Variants in GRM8 observed in about 807,000 individuals in gnomAD.
GRM8 encodes the protein glutamate metabotropic receptor 8.
In GRM8, 47 loss-of-function variants were observed where a neutral mutation model predicts 87.2. That is an observed-to-expected ratio of 0.54 (90% CI 0.43 to 0.69). GRM8 has a LOEUF of 0.69. Ranked by LOEUF, GRM8 falls within the 30% of genes least tolerant of loss-of-function variation. The pLI, the probability that GRM8 is intolerant of heterozygous loss-of-function variation, is 0.00. For synonymous variants in GRM8, 396 were observed against 404.5 expected, an observed-to-expected ratio of 0.98 and a Z score of 0.25; for missense variants, 1,019 against 1,139.2, an observed-to-expected ratio of 0.89 and a Z score of 1.52.
intron 8 of GRM8, among the ~76,000 whole-genome samples, chr7:126,565,382 T>C (rs200498217): frequency 1.3e-5 from 2 of 151,948 alleles, no homozygotes; most frequent in African/African-American, 4.8e-5. Context: ...AACATAAAAA[T>C]CAATTGTATT....
At chr7:127,031,587 GA>G (rs147982559) in intron 3 of GRM8, among the ~76,000 whole-genome samples, 35 of 152,048 alleles carry the variant, frequency 2.3e-4, no homozygotes, top group African/African-American at 8.4e-4. Flanking sequence ...ATACTCTGTT[GA>G]AATAAAAATA....
chr7:126,801,265 A>G (rs971137871), intron 6 of GRM8, among the ~76,000 whole-genome samples: 1 of 152,140 alleles, frequency 6.6e-6, no homozygotes, highest in African/African-American at 2.4e-5. Context: ...AAATGTGTAT[A>G]TGCTTCATGC....
intron 3 of GRM8, among the ~76,000 whole-genome samples, chr7:126,921,466 T>G (rs1317475556): frequency 1.3e-5 from 2 of 151,988 alleles, no homozygotes; most frequent in Non-Finnish European, 2.9e-5. Context: ...AATAAGAACT[T>G]TTGGATTGAA....
chr7:126,613,451 C>T (rs571903207), intron 7 of GRM8, among the ~76,000 whole-genome samples: 28 of 152,234 alleles, frequency 1.8e-4, no homozygotes, highest in African/African-American at 4.6e-4. Context: ...CCAGTGTGAG[C>T]GACGCAGAAG....
At chr7:126,660,550 C>G (rs531701093) in intron 7 of GRM8, among the ~76,000 whole-genome samples, 1 of 152,232 alleles carries the variant, frequency 6.6e-6, no homozygotes, top group South Asian at 2.1e-4. Flanking sequence ...CTATTATATA[C>G]TAAATGATTA....
chr7:126,443,785 G>T (rs919178511), intron 10 of GRM8, among the ~76,000 whole-genome samples: 1 of 151,810 alleles, frequency 6.6e-6, no homozygotes, highest in African/African-American at 2.4e-5. Flanking sequence ...AGAAAATAGA[G>T]AAATACATGC....
At chr7:126,999,691 A>G (rs1446770727) in intron 3 of GRM8, among the ~76,000 whole-genome samples, 3 of 151,848 alleles carry the variant, frequency 2.0e-5, no homozygotes, top group Non-Finnish European at 2.9e-5. Context: ...ATGATATATC[A>G]TCTCACACCA....
intron 5 of GRM8, 139 bp downstream of exon 5, chr7:126,903,833 T>G (rs1385160810): frequency 2.3e-6 from 1 of 426,684 alleles, no homozygotes; most frequent in African/African-American, 2.1e-5. Flanking sequence ...ATACTGGTCT[T>G]GACAATTCTG....
chr7:126,639,782 G>A (rs895478732), intron 7 of GRM8, among the ~76,000 whole-genome samples: 18 of 152,344 alleles, frequency 1.2e-4, no homozygotes, highest in African/African-American at 4.1e-4. Context: ...TCATTAGCCA[G>A]TTCTGGCAGT....
rs572259894 is a variant in GRM8 at position 126,747,546 on chromosome 7, T to C, written c.1357+22319A>G. 6.6e-5 allele frequency among the ~76,000 whole-genome samples: 10 copies of C among 152,150 alleles called. No individual in the cohort carries two copies. The South Asian group carries it at 2.1e-3, about 32-fold the overall frequency. ...ATCAAGAAACTACAATGACTCTCTT[T>C]TGCCTACACTATCAAATCTAAATTA... On this transcript the variant is annotated intron_variant, in intron 7 of 10. Coordinates refer to ENST00000339582, the MANE Select transcript of GRM8 (RefSeq NM_000845.3).
chr7:126,998,176 C>A (rs771315539), intron 3 of GRM8, among the ~76,000 whole-genome samples: 1 of 151,852 alleles, frequency 6.6e-6, no homozygotes, highest in Non-Finnish European at 1.5e-5. Flanking sequence ...ATGATCATTT[C>A]GATTGATGCT....
chr7:126,954,016 G>A (rs541439195), intron 3 of GRM8, among the ~76,000 whole-genome samples: 3 of 152,190 alleles, frequency 2.0e-5, no homozygotes, highest in South Asian at 2.1e-4. Flanking sequence ...TCTACCAAAC[G>A]AGATGCCATA....
At chr7:127,070,222 C>T (rs1027221307) in intron 3 of GRM8, among the ~76,000 whole-genome samples, 4 of 152,140 alleles carry the variant, frequency 2.6e-5, no homozygotes, top group Non-Finnish European at 5.9e-5. Context: ...ATCAATTCAT[C>T]CACTCACTTA....
chr7:126,770,527 T>C (rs1220495834), intron 6 of GRM8, among the ~76,000 whole-genome samples: 1 of 152,092 alleles, frequency 6.6e-6, no homozygotes, highest in African/African-American at 2.4e-5. Context: ...TGGGAGCCTT[T>C]TTGTAACTTT....
At chr7:127,126,299 G>A (rs749629430) in intron 2 of GRM8, among the ~76,000 whole-genome samples, 32 of 152,032 alleles carry the variant, frequency 2.1e-4, no homozygotes, top group Middle Eastern at 6.8e-3. Context: ...CCATTCAGCC[G>A]TAAAAATAAT....
intron 3 of GRM8, among the ~76,000 whole-genome samples, chr7:127,002,099 T>C (rs1320176001): frequency 6.6e-6 from 1 of 151,584 alleles, no homozygotes. Flanking sequence ...AAAAAGGGTC[T>C]ATATCTTTAT....
In GRM8 at chr7:126,799,139, C is replaced by A. The variant is rs144768388; in HGVS notation, c.1157-29074G>T. On this transcript the variant is annotated intron_variant, in intron 6 of 10. Coordinates refer to ENST00000339582, the MANE Select transcript of GRM8 (RefSeq NM_000845.3). Reference sequence around the variant, plus strand: ...GCCCGAAGTGTGATCTATGGACCAGCAGCATCAACATCATCTGGGAAAAGA... The same window carrying A: ...GCCCGAAGTGTGATCTATGGACCAGAAGCATCAACATCATCTGGGAAAAGA... 5.7e-3 allele frequency among the ~76,000 whole-genome samples: 864 copies of A among 152,234 alleles called. 29 individuals are homozygous for A. The highest frequency in any genetic ancestry group is 0.052 in the Admixed American group (794 of 15,290).
chr7:126,472,622 A>T (rs755883288), intron 9 of GRM8, among the ~76,000 whole-genome samples: 1 of 152,194 alleles, frequency 6.6e-6, no homozygotes, highest in East Asian at 1.9e-4. Context: ...TCTGAGGAGA[A>T]ATTCAAGCCA....
chr7:126,720,447 T>A (rs1254706715), intron 7 of GRM8, among the ~76,000 whole-genome samples: 1 of 152,156 alleles, frequency 6.6e-6, no homozygotes, highest in African/African-American at 2.4e-5. Context: ...GCCTCTTAAA[T>A]GAATAAGTGG....
Sources: gnomAD v4.1 joint callset for allele counts (sites outside exome capture counted in the v4.1 genomes callset) on GRCh38, gnomAD v4.1.1 for gene constraint, MANE v1.5 for transcripts, NCBI Gene and HGNC (gene_info 2026-07-23, HGNC 2026-07-21) for gene names.